The following DPP6 variants were observed in gnomAD, a reference collection of about 807,000 sequenced individuals.
DPP6 encodes dipeptidyl peptidase like 6.
A neutral mutation model predicts 122.6 loss-of-function variants in DPP6; 69 were observed. The ratio of observed to expected loss-of-function variants is 0.56; its 90% CI spans 0.46 to 0.69. DPP6 has a LOEUF of 0.69. DPP6 is among the 30% of genes least tolerant of loss of function. The probability of loss-of-function intolerance (pLI) is 0.00; values close to 1 mark genes in which losing one functional copy is unlikely to be tolerated. For synonymous variants in DPP6, 418 were observed against 433.1 expected (o/e 0.97, Z 0.43); for missense variants, 928 against 1,116.9 (o/e 0.83, Z 2.41).
chr7:154,058,526 G>C (rs1326688809), intron 1 of DPP6: 2 of 112,578 alleles, frequency 1.8e-5, no homozygotes, highest in Admixed American at 9.0e-5. Flanking sequence ...CCAACCCCTG[G>C]TTCCCCCACT....
At position 154,529,698 on chromosome 7, in the gene DPP6, T is replaced by A. The variant is rs184450219; in HGVS notation, c.458-10834T>A. Among the ~76,000 whole-genome samples the A allele has an allele frequency of 5.9e-3, 894 of 152,006 alleles. 7 individuals are homozygous for A. The highest frequency in any genetic ancestry group is 9.5e-3 in the Non-Finnish European group (645 of 67,960). The stretch of plus-strand genomic sequence containing the variant: ...AAAATCTCAGCAGAGAAATAGAAAA[T>A]CTCAGCAGAAAACATAAAGGAACCA... On this transcript the variant is annotated intron_variant, in intron 3 of 25. Transcript: ENST00000377770.
chr7:154,164,168 G>A lies in DPP6; in HGVS notation c.243+111105G>A, dbSNP rs1308630342. On this transcript the variant is annotated intron_variant, in intron 1 of 25. Coordinates refer to ENST00000377770, the MANE Select transcript of DPP6 (RefSeq NM_130797.4). ...AGGTGCCTGGGTTGTTCTGACTATGGTCTAAGAGTCTTCCCTGCCCTGCCC... is the reference window on the plus strand; with the variant it reads ...AGGTGCCTGGGTTGTTCTGACTATGATCTAAGAGTCTTCCCTGCCCTGCCC... 2.1e-4 allele frequency among the ~76,000 whole-genome samples: 32 copies of A among 150,052 alleles called. No homozygotes were observed. The East Asian group carries it at 6.2e-3, about 29-fold the overall frequency.
At chr7:154,783,270 C>CA (rs1401838408) in intron 10 of DPP6, among the ~76,000 whole-genome samples, 2 of 152,174 alleles carry the variant, frequency 1.3e-5, no homozygotes, top group Non-Finnish European at 2.9e-5. Context: ...GCGAGGGTGA[C>CA]AACACTGCCT....
intron 1 of DPP6, among the ~76,000 whole-genome samples, chr7:154,425,935 G>A (rs1817877368): frequency 6.6e-6 from 1 of 152,094 alleles, no homozygotes; most frequent in Non-Finnish European, 1.5e-5. Context: ...GAGCCACTGT[G>A]CCTAGCCAAA....
chr7:154,587,431 C>T (rs542006848), intron 5 of DPP6: 2 of 602,640 alleles, frequency 3.3e-6, no homozygotes, highest in South Asian at 2.1e-5. Flanking sequence ...CCTGTCCTTC[C>T]CTCCTGTGCA....
chr7:154,063,117 G>GA lies in DPP6; in HGVS notation c.243+10054_243+10055insA, dbSNP rs1554449971. ...CTGGCTGTTAGTACCCCCATCGCAGGGGGGGAGGCACCCCCCACGAGAGTG... is the reference window on the plus strand; with the variant it reads ...CTGGCTGTTAGTACCCCCATCGCAGGAGGGGGAGGCACCCCCCACGAGAGTG... On this transcript the variant is annotated intron_variant, in intron 1 of 25. Coordinates refer to ENST00000377770, the MANE Select transcript of DPP6 (RefSeq NM_130797.4). Among the ~76,000 whole-genome samples the GA allele has an allele frequency of 2.7e-4, 30 of 112,262 alleles. 3 individuals carry two copies. The highest frequency in any genetic ancestry group is 3.3e-4 in the Non-Finnish European group (17 of 52,120). The allele number at this position is 112,262 out of a possible 152,430, so 73.6% of individuals were successfully genotyped here.
rs370262091 is a variant in DPP6, at chr7:154,660,144, A to T, written c.681-9216A>T. Among the ~76,000 whole-genome samples, 81 of 152,348 alleles carry T rather than the reference A, an allele frequency of 5.3e-4. 2 individuals are homozygous for T. The South Asian group carries it at 0.017, about 32-fold the overall frequency. On this transcript the variant is annotated intron_variant, in intron 6 of 25. Coordinates refer to ENST00000377770, the MANE Select transcript of DPP6 (RefSeq NM_130797.4). ...TCCTTGAGCACAGGTGAGCCAGGTA[A>T]TAAAAGTGGAATTAGTGAATCACCA...
intron 1 of DPP6, among the ~76,000 whole-genome samples, chr7:154,404,911 T>A (rs1815946595): frequency 6.6e-6 from 1 of 152,220 alleles, no homozygotes; most frequent in Admixed American, 6.5e-5. Flanking sequence ...TGATAGCAAT[T>A]TTTTAGGTTG....
chr7:154,305,336 A>AAG, intron 1 of DPP6: 1 of 362,174 alleles, frequency 2.8e-6, no homozygotes. Flanking sequence ...CGTCTTGTCT[A>AAG]CCCACCCTCC....
intron 1 of DPP6, among the ~76,000 whole-genome samples, chr7:154,137,650 T>TGGGGGGGGGGGGGGGGG (rs1419049474): frequency 9.9e-5 from 1 of 10,062 alleles, no homozygotes; most frequent in Non-Finnish European, 2.1e-4. Flanking sequence ...GTGGGGGGGG[T>TGGGGGGGGGGGGGGGGG]GGGGGGGTGG....
chr7:154,500,513 G>A (rs1289142999), intron 3 of DPP6, among the ~76,000 whole-genome samples: 1 of 152,266 alleles, frequency 6.6e-6, no homozygotes, highest in African/African-American at 2.4e-5. Flanking sequence ...AATTATGGGG[G>A]CGGATCTTTC....
At chr7:154,547,710 G>A (rs907465654) in intron 4 of DPP6, among the ~76,000 whole-genome samples, 1 of 151,974 alleles carries the variant, frequency 6.6e-6, no homozygotes, top group Admixed American at 6.6e-5. Flanking sequence ...GATCCTCTTT[G>A]TCCCCCTATG....
the DPP6 span, among the ~76,000 whole-genome samples, chr7:153,757,328 CA>C: frequency 6.6e-6 from 1 of 152,150 alleles, no homozygotes; most frequent in Non-Finnish European, 1.5e-5. Context: ...TTACATCTGA[CA>C]AAATGTGCGC....
chr7:154,861,408 C>T (rs892879819), intron 17 of DPP6, among the ~76,000 whole-genome samples: 1 of 152,128 alleles, frequency 6.6e-6, no homozygotes, highest in Non-Finnish European at 1.5e-5. Context: ...CAATTTGATA[C>T]TTACCACTGC....
At chr7:154,502,496 C>T (rs1825337215) in intron 3 of DPP6, among the ~76,000 whole-genome samples, 1 of 152,084 alleles carries the variant, frequency 6.6e-6, no homozygotes, top group South Asian at 2.1e-4. Context: ...GCAAATAAGT[C>T]TCATGGGATC....
intron 8 of DPP6, among the ~76,000 whole-genome samples, chr7:154,744,625 T>A (rs539573263): frequency 6.6e-6 from 1 of 152,348 alleles, no homozygotes; most frequent in East Asian, 1.9e-4. Flanking sequence ...CGCTGATTTC[T>A]TTTTTAACCC....
intron 1 of DPP6, among the ~76,000 whole-genome samples, chr7:153,977,073 A>G (rs997666716): frequency 3.3e-5 from 5 of 152,244 alleles, no homozygotes; most frequent in Non-Finnish European, 5.9e-5. Context: ...CATGTCACCA[A>G]AGAGCCTTAA....
intron 1 of DPP6, among the ~76,000 whole-genome samples, chr7:154,408,467 T>C (rs1816305872): frequency 6.6e-6 from 1 of 152,284 alleles, no homozygotes; most frequent in African/African-American, 2.4e-5. Context: ...TATTTTTATA[T>C]TGGAATAATG....
intron 3 of DPP6, among the ~76,000 whole-genome samples, chr7:154,520,939 C>G (rs963221163): frequency 4.6e-5 from 7 of 152,178 alleles, no homozygotes; most frequent in African/African-American, 1.7e-4. Context: ...GCCTCGTATT[C>G]TACTGAAGAA....
Sources: gnomAD v4.1 joint callset for allele counts (sites outside exome capture counted in the v4.1 genomes callset) on GRCh38, gnomAD v4.1.1 for gene constraint, MANE v1.5 for transcripts, NCBI Gene and HGNC (gene_info 2026-07-23, HGNC 2026-07-21) for gene names.